The following NDFIP2 variants were observed in gnomAD, a reference collection of about 807,000 sequenced individuals.
NDFIP2 encodes Nedd4 family interacting protein 2.
In NDFIP2, 19 loss-of-function variants were observed where a neutral mutation model predicts 36.0. That is an observed-to-expected ratio of 0.53 (90% CI 0.37 to 0.77). NDFIP2 has a LOEUF of 0.77. Among genes scored for constraint, NDFIP2 ranks in the 30% least tolerant of loss-of-function variants. The pLI, the probability that NDFIP2 is intolerant of heterozygous loss-of-function variation, is 0.00. For missense variants in NDFIP2, 446 were observed against 435.8 expected, an observed-to-expected ratio of 1.02 and a Z score of -0.21; for synonymous variants, 181 against 167.7, an observed-to-expected ratio of 1.08 and a Z score of -0.61.
intron 1 of NDFIP2, among the ~76,000 whole-genome samples, chr13:79,493,820 C>A (rs1198880298): frequency 6.6e-6 from 1 of 152,016 alleles, no homozygotes; most frequent in African/African-American, 2.4e-5. Context: ...AATTGTGTAG[C>A]ACTCACACCT....
rs960623570 is a variant in NDFIP2, at chr13:79,534,529, A to G, written c.621+1073A>G. On this transcript the variant is annotated intron_variant, in intron 3 of 7. Transcript: ENST00000218652. ...CAGTAATGGAGAGTCAGTGAGATACATACACATCTACTATTCTGCAGCCAG... is the reference window on the plus strand; with the variant it reads ...CAGTAATGGAGAGTCAGTGAGATACGTACACATCTACTATTCTGCAGCCAG... Among the ~76,000 whole-genome samples, 6 of 152,246 alleles carry G rather than the reference A, an allele frequency of 3.9e-5. No individual in the cohort carries two copies. The South Asian group carries it at 8.3e-4, about 21-fold the overall frequency.
At chr13:79,517,583 A>G (rs1033068644) in intron 1 of NDFIP2, among the ~76,000 whole-genome samples, 2 of 152,228 alleles carry the variant, frequency 1.3e-5, no homozygotes, top group Non-Finnish European at 2.9e-5. Flanking sequence ...TATATGCTAC[A>G]GTAGGCAGAG....
chr13:79,545,031 A>C (rs1052430111), intron 5 of NDFIP2, among the ~76,000 whole-genome samples: 6 of 152,190 alleles, frequency 3.9e-5, no homozygotes, highest in Non-Finnish European at 7.4e-5. Flanking sequence ...GTTACAGAAC[A>C]TACAAAGATA....
At chr13:79,486,943 T>G (rs1873016671) in intron 1 of NDFIP2, among the ~76,000 whole-genome samples, 1 of 152,186 alleles carries the variant, frequency 6.6e-6, no homozygotes, top group South Asian at 2.1e-4. Flanking sequence ...TAGATTTGTG[T>G]AAGTACGCTC....
chr13:79,496,896 C>A (rs995794579), intron 1 of NDFIP2, among the ~76,000 whole-genome samples: 3 of 151,776 alleles, frequency 2.0e-5, no homozygotes, highest in Admixed American at 6.6e-5. Context: ...TTCTATTTAT[C>A]TGCTGAGATT....
intron 2 of NDFIP2, among the ~76,000 whole-genome samples, chr13:79,523,739 G>A (rs1437129361): frequency 6.6e-6 from 1 of 152,200 alleles, no homozygotes; most frequent in Non-Finnish European, 1.5e-5. Context: ...ATGAAGTGAG[G>A]TGAATGACAT....
intron 3 of NDFIP2, among the ~76,000 whole-genome samples, chr13:79,539,183 T>G (rs1443498791): frequency 6.6e-6 from 1 of 152,212 alleles, no homozygotes; most frequent in African/African-American, 2.4e-5. Flanking sequence ...ATGAATTATC[T>G]TTAATACATC....
chr13:79,553,700 A>T lies in NDFIP2; in HGVS notation c.*1187A>T, dbSNP rs1375089468. 6.6e-6 allele frequency: 1 copy of T among 151,980 alleles called. No homozygotes were observed. The highest frequency in any genetic ancestry group is 2.4e-5 in the African/African-American group (1 of 41,406). 9.4% of individuals were successfully genotyped at this position (151,980 alleles called of 1,614,324 possible). Reference sequence around the variant, plus strand: ...TGGAAATGTGTTTGTGGCATATAGGACTGTGGGGTCTGTGTGTGTAGTGAG... The same window carrying T: ...TGGAAATGTGTTTGTGGCATATAGGTCTGTGGGGTCTGTGTGTGTAGTGAG... On this transcript the variant is annotated 3_prime_UTR_variant, in exon 8 of 8. Coordinates refer to ENST00000218652, the MANE Select transcript of NDFIP2 (RefSeq NM_019080.3).
At chr13:79,523,813 GT>G (rs2137090040) in intron 2 of NDFIP2, among the ~76,000 whole-genome samples, 1 of 152,336 alleles carries the variant, frequency 6.6e-6, no homozygotes, top group South Asian at 2.1e-4. Context: ...AAGGGGGATT[GT>G]CTACTTCAGG....
chr13:79,545,777 C>T (rs1481214972), intron 5 of NDFIP2, among the ~76,000 whole-genome samples: 2 of 152,136 alleles, frequency 1.3e-5, no homozygotes. Flanking sequence ...CACTCTGTCG[C>T]CCAGGCTGGA....
chr13:79,521,504 C>T (rs1352545212), intron 2 of NDFIP2, among the ~76,000 whole-genome samples: 1 of 151,970 alleles, frequency 6.6e-6, no homozygotes, highest in East Asian at 1.9e-4. Context: ...TAAATAAATT[C>T]TAAATAACTT....
Position 79,533,247 on chromosome 13 carries a change from T to C in NDFIP2, c.488-76T>C, listed in dbSNP as rs1040005221. On this transcript the variant is annotated intron_variant, in intron 2 of 7. Transcript: ENST00000218652. The stretch of plus-strand genomic sequence containing the variant: ...GTAGTCCTGTATTGGTGGCCAGTTG[T>C]AAATTATTAAGTCATGGCTATGGCT... The C allele has an allele frequency of 4.2e-6, 6 of 1,429,234 alleles. No homozygotes were observed. In the East Asian group the frequency reaches 7.1e-5, roughly 17 times the overall value. 88.5% of individuals were successfully genotyped at this position (1,429,234 alleles called of 1,614,324 possible).
chr13:79,494,971 G>A (rs2140737779), intron 1 of NDFIP2, among the ~76,000 whole-genome samples: 1 of 151,552 alleles, frequency 6.6e-6, no homozygotes, highest in African/African-American at 2.4e-5. Flanking sequence ...TTAAATTTCT[G>A]TTGTTCTGTG....
chr13:79,517,860 G>GTT, intron 1 of NDFIP2, among the ~76,000 whole-genome samples: 1 of 151,984 alleles, frequency 6.6e-6, no homozygotes, highest in Non-Finnish European at 1.5e-5. Context: ...AGTAAAGAGT[G>GTT]TTTTTTTTGA....
chr13:79,545,891 A>G (rs1875652871), intron 5 of NDFIP2, among the ~76,000 whole-genome samples: 1 of 152,134 alleles, frequency 6.6e-6, no homozygotes, highest in African/African-American at 2.4e-5. Context: ...ACATGCCTCC[A>G]CGCCTGGCTA....
At chr13:79,515,091 C>T (rs1480090754) in intron 1 of NDFIP2, among the ~76,000 whole-genome samples, 4 of 152,206 alleles carry the variant, frequency 2.6e-5, no homozygotes, top group African/African-American at 4.8e-5. Context: ...ATACCTTGGC[C>T]GTATGGTATA....
chr13:79,481,633 G>A, intron 1 of NDFIP2, 109 bp downstream of exon 1: 3 of 1,353,614 alleles, frequency 2.2e-6, no homozygotes, highest in Non-Finnish European at 3.0e-6. Context: ...TTTTTTTGTT[G>A]TGTTTTGTTT....
intron 1 of NDFIP2, among the ~76,000 whole-genome samples, chr13:79,505,353 G>A (rs932874105): frequency 6.6e-6 from 1 of 152,250 alleles, no homozygotes; most frequent in South Asian, 2.1e-4. Context: ...AGTAGTTGCC[G>A]GCGCAGCAGC....
rs1014449665 is a variant in NDFIP2, at chr13:79,554,948, A to C, written c.*2435A>C. ...AACTGAATTTTAAGGCAAAAACAAC[A>C]CTTTTCTATATAGTGTATGCAGGAC... On this transcript the variant is annotated 3_prime_UTR_variant, in exon 8 of 8. Coordinates refer to ENST00000218652, the MANE Select transcript of NDFIP2 (RefSeq NM_019080.3). The C allele has an allele frequency of 6.6e-6, 1 of 151,904 alleles. No individual in the cohort carries two copies. Among genetic ancestry groups the C allele is most frequent in the Admixed American group, 6.6e-5 (1 of 15,224 alleles). 9.4% of individuals were successfully genotyped at this position (151,904 alleles called of 1,614,324 possible). A position where few individuals can be genotyped will look rare whatever the true frequency, so the allele number is the denominator to read the frequency against.
Sources: gnomAD v4.1 joint callset for allele counts (sites outside exome capture counted in the v4.1 genomes callset) on GRCh38, gnomAD v4.1.1 for gene constraint, MANE v1.5 for transcripts, NCBI Gene and HGNC (gene_info 2026-07-23, HGNC 2026-07-21) for gene names.